HECW1: variants seen among roughly 807,000 people sequenced by gnomAD.
HECW1 encodes E3 ubiquitin-protein ligase HECW1.
In HECW1, 61 loss-of-function variants were observed where a neutral mutation model predicts 182.3. That is an observed-to-expected ratio of 0.33 (90% CI 0.27 to 0.41). The LOEUF (loss-of-function observed/expected upper bound fraction) is 0.41, where lower values mean the gene tolerates loss of function less well. Ranked by LOEUF, HECW1 falls within the 10% of genes least tolerant of loss-of-function variation. The pLI is 1.00. For synonymous variants in HECW1, 859 were observed against 832.6 expected (o/e 1.03, Z -0.55); for missense variants, 1,739 against 2,108.9 (o/e 0.82, Z 3.44).
chr7:43,329,812 G>A (rs760792487), intron 5 of HECW1, among the ~76,000 whole-genome samples: 4 of 152,100 alleles, frequency 2.6e-5, no homozygotes, highest in Non-Finnish European at 5.9e-5. Flanking sequence ...TTGTGTAGGG[G>A]GAGTGTAAAG....
chr7:43,490,433 A>G (rs2078885380), intron 17 of HECW1, among the ~76,000 whole-genome samples: 1 of 152,198 alleles, frequency 6.6e-6, no homozygotes. Context: ...AAAGTCTTTA[A>G]CACTTCAAAA....
In HECW1 at chr7:43,562,374, A is replaced by G. The variant is rs902179695; in HGVS notation, c.*448A>G. ...GCCACCATTTTTTATAATTTCTAATAACCAACTCCAGAACTAGGAGCTGAT... is the reference window on the plus strand; with the variant it reads ...GCCACCATTTTTTATAATTTCTAATGACCAACTCCAGAACTAGGAGCTGAT... On this transcript the variant is annotated 3_prime_UTR_variant, in exon 30 of 30. Transcript: ENST00000395891. The G allele has an allele frequency of 4.4e-6, 1 of 229,658 alleles. No individual in the cohort carries two copies. The allele number at this position is 229,658 out of a possible 1,614,324, so 14.2% of individuals were successfully genotyped here.
chr7:43,351,976 TCC>T (rs1237493033), intron 5 of HECW1, among the ~76,000 whole-genome samples: 8 of 152,190 alleles, frequency 5.3e-5, no homozygotes, highest in African/African-American at 1.9e-4. Flanking sequence ...ACCAGAGCTT[TCC>T]TTTTTGACAG....
intron 3 of HECW1, among the ~76,000 whole-genome samples, chr7:43,257,006 G>A (rs373000882): frequency 4.6e-5 from 7 of 152,122 alleles, no homozygotes; most frequent in East Asian, 1.9e-4. Flanking sequence ...CTCTCTCTCC[G>A]TTCCCAAATT....
chr7:43,479,736 G>C lies in HECW1; in HGVS notation c.3226G>C (p.Ala1076Pro), dbSNP rs781720585. 6.2e-7 allele frequency: 1 copy of C among 1,613,904 alleles called. No homozygotes were observed. The highest frequency in any genetic ancestry group is 8.5e-7 in the Non-Finnish European group (1 of 1,179,930). The change falls in exon 17 of 30, where the codon GCT (alanine) becomes CCT (proline). Residue 1076 changes from alanine (A) to proline (P), a missense_variant. Coordinates refer to ENST00000395891, the MANE Select transcript of HECW1 (RefSeq NM_015052.5). ...QHLQRLRSYS[A>P]GEASEVSRNR... is the part of the protein sequence containing the mutation. ...CCTCCAGAGGCTCCGAAGTTACAGC[G>C]CTGGAGAGGTAACCCTCCCTACACC...
chr7:43,393,997 T>C (rs2075137467), intron 6 of HECW1, among the ~76,000 whole-genome samples: 2 of 152,182 alleles, frequency 1.3e-5, no homozygotes, highest in South Asian at 4.1e-4. Context: ...ACTTTTATTC[T>C]TAGAAAGAGA....
Position 43,445,136 on chromosome 7 carries a change from G to C in HECW1, c.1964G>C (p.Gly655Ala). ...AQDGDTHPST[G>A]SESDSSPRQG... is the part of the protein sequence containing the mutation. ...GATGGCGACACGCACCCCAGCACCG[G>C]GAGCGAGAGCGACTCCAGCCCCAGG... The change falls in exon 11 of 30, where the codon GGG becomes GCG. Residue 655 changes from glycine (G) to alanine (A), a missense_variant. Coordinates refer to ENST00000395891, the MANE Select transcript of HECW1 (RefSeq NM_015052.5). 1 of 1,609,906 alleles carries C rather than the reference G, an allele frequency of 6.2e-7. No individual in the cohort carries two copies. The highest frequency in any genetic ancestry group is 8.5e-7 in the Non-Finnish European group (1 of 1,178,796).
intron 3 of HECW1, among the ~76,000 whole-genome samples, chr7:43,267,426 A>G (rs530188573): frequency 6.6e-6 from 1 of 152,140 alleles, no homozygotes; most frequent in South Asian, 2.1e-4. Context: ...ATTATACATT[A>G]AAACTTAGCA....
chr7:43,522,932 G>A, intron 24 of HECW1: 2 of 349,496 alleles, frequency 5.7e-6, no homozygotes, highest in Non-Finnish European at 1.2e-5. Flanking sequence ...CCGTGGTGGG[G>A]ATGTTATTGC....
chr7:43,159,584 T>C (rs1011236009), intron 2 of HECW1, among the ~76,000 whole-genome samples: 2 of 152,194 alleles, frequency 1.3e-5, no homozygotes, highest in South Asian at 4.1e-4. Flanking sequence ...GTCCATCAGA[T>C]AGTTTTTATG....
chr7:43,162,061 C>G (rs1014580312), intron 2 of HECW1, among the ~76,000 whole-genome samples: 2 of 152,220 alleles, frequency 1.3e-5, no homozygotes, highest in African/African-American at 4.8e-5. Flanking sequence ...TTAATGAACA[C>G]CATAAACAAT....
At chr7:43,384,497 T>C (rs1208945265) in intron 6 of HECW1, among the ~76,000 whole-genome samples, 3 of 152,184 alleles carry the variant, frequency 2.0e-5, no homozygotes, top group Non-Finnish European at 4.4e-5. Flanking sequence ...CCATGTGGCA[T>C]GTCCATAGGA....
At chr7:43,238,564 G>A (rs1300612024) in intron 2 of HECW1, among the ~76,000 whole-genome samples, 2 of 152,178 alleles carry the variant, frequency 1.3e-5, no homozygotes, top group Non-Finnish European at 2.9e-5. Context: ...AGTGTCAAAT[G>A]GGAAGTTAGG....
chr7:43,262,247 C>CGTGTGTGT (rs10695541), intron 3 of HECW1, among the ~76,000 whole-genome samples: 2,343 of 149,486 alleles, frequency 0.016, 52 homozygotes, highest in African/African-American at 0.053. Context: ...TGTATGTGTG[C>CGTGTGTGT]GTGTGTGTGT....
At chr7:43,500,630 C>A in intron 19 of HECW1, 69 bp from the exon 20 acceptor site, 1 of 1,183,800 alleles carries the variant, frequency 8.4e-7, no homozygotes, top group Non-Finnish European at 1.3e-6. Context: ...AATAAGAGAT[C>A]AGAAGAAAAT....
At chr7:43,148,242 G>T (rs1279522918) in intron 2 of HECW1, among the ~76,000 whole-genome samples, 1 of 152,160 alleles carries the variant, frequency 6.6e-6, no homozygotes, top group Non-Finnish European at 1.5e-5. Context: ...TGGACATCAA[G>T]GTTGTCCCAT....
chr7:43,244,947 G>A (rs1235282292), intron 3 of HECW1, among the ~76,000 whole-genome samples: 1 of 152,210 alleles, frequency 6.6e-6, no homozygotes. Flanking sequence ...GCGGGAAGAT[G>A]AGGCCACGCT....
intron 6 of HECW1, among the ~76,000 whole-genome samples, chr7:43,388,072 G>T (rs772860022): frequency 2.0e-4 from 31 of 152,298 alleles, no homozygotes; most frequent in Middle Eastern, 3.4e-3. Context: ...TAGAGCAATT[G>T]ATTGCCTCAC....
At chr7:43,522,968 T>C (rs574689863) in intron 24 of HECW1, 4 of 417,792 alleles carry the variant, frequency 9.6e-6, no homozygotes, top group East Asian at 1.6e-4. Flanking sequence ...CTCTTTGTAC[T>C]GTGTGTTCTC....
Sources: gnomAD v4.1 joint callset for allele counts (sites outside exome capture counted in the v4.1 genomes callset) on GRCh38, gnomAD v4.1.1 for gene constraint, MANE v1.5 for transcripts, NCBI Gene and HGNC (gene_info 2026-07-23, HGNC 2026-07-21) for gene names.